Variants in TCF12 observed in about 807,000 individuals in gnomAD.
TCF12 encodes transcription factor 12, also known as DNA-binding protein HTF4.
TCF12 carries 45 observed loss-of-function variants against 86.0 expected under a neutral mutation model. That is an observed-to-expected ratio of 0.52 (90% CI 0.41 to 0.67). The LOEUF (loss-of-function observed/expected upper bound fraction) is 0.67, where lower values mean the gene tolerates loss of function less well. TCF12 is among the 30% of genes least tolerant of loss of function. TCF12 has a pLI of 0.00. For synonymous variants in TCF12, 330 were observed against 299.6 expected, an observed-to-expected ratio of 1.10 and a Z score of -1.05; for missense variants, 881 against 859.9, an observed-to-expected ratio of 1.02 and a Z score of -0.31.
intron 17 of TCF12, 43 bp from the exon 18 acceptor site, chr15:57,263,069 G>A (rs367949443): frequency 3.2e-4 from 509 of 1,566,472 alleles, no homozygotes; most frequent in Non-Finnish European, 4.1e-4. Context: ...ATTCATATAT[G>A]AGTCTCGTCT....
At chr15:57,168,121 G>T (rs571926911) in intron 6 of TCF12, among the ~76,000 whole-genome samples, 1 of 152,198 alleles carries the variant, frequency 6.6e-6, no homozygotes, top group South Asian at 2.1e-4. Flanking sequence ...AGTCCAGCCT[G>T]GGCAATGTAG....
At chr15:57,127,884 T>C (rs761631663) in intron 5 of TCF12, among the ~76,000 whole-genome samples, 1 of 152,212 alleles carries the variant, frequency 6.6e-6, no homozygotes, top group Non-Finnish European at 1.5e-5. Flanking sequence ...TTTTTGCTTG[T>C]TTGTTTTAAC....
chr15:57,234,115 T>C lies in TCF12; in HGVS notation c.1035+8T>C, dbSNP rs377524123. On this transcript the variant is annotated splice_region_variant and intron_variant, in intron 12 of 20. Coordinates refer to ENST00000333725, the MANE Select transcript of TCF12 (RefSeq NM_207037.2). ...GGAAAGGCTTTGGCATCTGTGAGTATTGATTTTACACATTCTACTGAATGA... is the reference window on the plus strand; with the variant it reads ...GGAAAGGCTTTGGCATCTGTGAGTACTGATTTTACACATTCTACTGAATGA... 33 of 1,610,918 alleles carry C rather than the reference T, an allele frequency of 2.0e-5. No homozygotes were observed. Among genetic ancestry groups the C allele is most frequent in the Middle Eastern group, 1.6e-4 (1 of 6,074 alleles).
At chr15:56,943,984 C>T (rs944784325) in intron 3 of TCF12, among the ~76,000 whole-genome samples, 3 of 152,126 alleles carry the variant, frequency 2.0e-5, no homozygotes, top group African/African-American at 7.2e-5. Context: ...AGTCTGGCTG[C>T]AGTTTAGAAC....
intron 20 of TCF12, among the ~76,000 whole-genome samples, chr15:57,284,792 A>C (rs994458490): frequency 2.0e-5 from 3 of 152,260 alleles, no homozygotes; most frequent in South Asian, 2.1e-4. Context: ...TTGTCTTCTT[A>C]TTCTCATCTC....
At chr15:57,146,866 G>A (rs12591936) in intron 5 of TCF12, among the ~76,000 whole-genome samples, 1 of 152,116 alleles carries the variant, frequency 6.6e-6, no homozygotes, top group South Asian at 2.1e-4. Flanking sequence ...TTAGTGTTTA[G>A]GTCTGCGGTG....
At chr15:57,042,505 C>T (rs948576650) in intron 3 of TCF12, among the ~76,000 whole-genome samples, 3 of 152,104 alleles carry the variant, frequency 2.0e-5, no homozygotes, top group African/African-American at 4.8e-5. Flanking sequence ...CCTCAAATTC[C>T]GGGGCTGAAT....
intron 5 of TCF12, among the ~76,000 whole-genome samples, chr15:57,120,645 T>G (rs749276124): frequency 5.9e-5 from 9 of 152,026 alleles, no homozygotes; most frequent in African/African-American, 9.7e-5. Flanking sequence ...TATTTCTATA[T>G]TTTTTTGCTA....
At chr15:57,011,789 C>T (rs1297477298) in intron 3 of TCF12, among the ~76,000 whole-genome samples, 5 of 152,134 alleles carry the variant, frequency 3.3e-5, no homozygotes, top group Non-Finnish European at 7.3e-5. Flanking sequence ...AACTGATTTT[C>T]AGTTCAGGTG....
chr15:57,101,022 T>C (rs1023235714), intron 5 of TCF12, among the ~76,000 whole-genome samples: 1 of 152,180 alleles, frequency 6.6e-6, no homozygotes, highest in Non-Finnish European at 1.5e-5. Flanking sequence ...TTATTTTGAG[T>C]GTCAATTCAC....
intron 19 of TCF12, chr15:57,282,226 T>C (rs2061722863): frequency 1.7e-6 from 1 of 581,534 alleles, no homozygotes; most frequent in South Asian, 2.1e-5. Context: ...GAAAACTAAA[T>C]CATAAGCAAA....
chr15:57,158,391 G>A (rs1304482096), intron 5 of TCF12, among the ~76,000 whole-genome samples: 1 of 151,880 alleles, frequency 6.6e-6, no homozygotes, highest in Non-Finnish European at 1.5e-5. Flanking sequence ...TGTTGCCCAG[G>A]CTGGTCTCGA....
At chr15:57,060,367 C>T (rs1286458307) in intron 3 of TCF12, among the ~76,000 whole-genome samples, 1 of 152,116 alleles carries the variant, frequency 6.6e-6, no homozygotes, top group Non-Finnish European at 1.5e-5. Context: ...TTACATTTGA[C>T]TTAATTGATT....
At chr15:57,104,215 A>G (rs1448304894) in intron 5 of TCF12, among the ~76,000 whole-genome samples, 4 of 152,116 alleles carry the variant, frequency 2.6e-5, no homozygotes, top group African/African-American at 9.7e-5. Context: ...TATTTTCACA[A>G]TGAGCATGTA....
intron 3 of TCF12, among the ~76,000 whole-genome samples, chr15:57,046,107 A>G (rs1270536290): frequency 1.3e-5 from 2 of 152,226 alleles, no homozygotes; most frequent in Admixed American, 6.5e-5. Context: ...ACTGTGTGAC[A>G]GAGACTGTAC....
intron 3 of TCF12, among the ~76,000 whole-genome samples, chr15:56,982,619 A>T (rs2062949281): frequency 1.3e-5 from 2 of 152,308 alleles, no homozygotes; most frequent in South Asian, 4.1e-4. Flanking sequence ...ACATTTTTTA[A>T]AAGAAAAAAA....
chr15:57,151,502 C>T (rs1236015596), intron 5 of TCF12, among the ~76,000 whole-genome samples: 1 of 152,048 alleles, frequency 6.6e-6, no homozygotes, highest in Non-Finnish European at 1.5e-5. Flanking sequence ...CACGGTGGCT[C>T]ACGCCTGTAA....
chr15:57,149,905 G>T (rs1418382601), intron 5 of TCF12, among the ~76,000 whole-genome samples: 1 of 152,082 alleles, frequency 6.6e-6, no homozygotes, highest in African/African-American at 2.4e-5. Flanking sequence ...TCCTTTAAAG[G>T]GGGTGTGTGA....
At chr15:56,961,186 A>G (rs1445748454) in intron 3 of TCF12, among the ~76,000 whole-genome samples, 1 of 152,054 alleles carries the variant, frequency 6.6e-6, no homozygotes, top group African/African-American at 2.4e-5. Flanking sequence ...CTAGCTAGAC[A>G]CTGTGCTGAT....
Sources: gnomAD v4.1 joint callset for allele counts (sites outside exome capture counted in the v4.1 genomes callset) on GRCh38, gnomAD v4.1.1 for gene constraint, MANE v1.5 for transcripts, NCBI Gene and HGNC (gene_info 2026-07-23, HGNC 2026-07-21) for gene names.